The following VAV2 variants were observed in gnomAD, a reference collection of about 807,000 sequenced individuals.
The protein encoded by VAV2 is vav guanine nucleotide exchange factor 2, also known as guanine nucleotide exchange factor VAV2.
A neutral mutation model predicts 132.5 loss-of-function variants in VAV2; 67 were observed. The observed-to-expected ratio is 0.51, with a 90% confidence interval of 0.42 to 0.62. The LOEUF is 0.62. Among genes scored for constraint, VAV2 ranks in the 20% least tolerant of loss-of-function variants. The pLI is 0.00. For missense variants in VAV2, 938 were observed against 1,153.6 expected, an observed-to-expected ratio of 0.81 and a Z score of 2.71; for synonymous variants, 492 against 443.5, an observed-to-expected ratio of 1.11 and a Z score of -1.37.
intron 1 of VAV2, among the ~76,000 whole-genome samples, chr9:133,989,641 C>T (rs1187068615): frequency 1.3e-5 from 2 of 150,136 alleles, no homozygotes; most frequent in Non-Finnish European, 3.0e-5. Flanking sequence ...GCTGAGATTG[C>T]GCCACCGCAC....
chr9:133,951,067 G>C (rs974748404), intron 1 of VAV2, among the ~76,000 whole-genome samples: 3 of 152,152 alleles, frequency 2.0e-5, no homozygotes, highest in Non-Finnish European at 2.9e-5. Context: ...ATCCCTTCCT[G>C]CTGGGCTAAA....
At chr9:133,934,891 G>A (rs951562515) in intron 2 of VAV2, among the ~76,000 whole-genome samples, 4 of 152,156 alleles carry the variant, frequency 2.6e-5, no homozygotes, top group Non-Finnish European at 5.9e-5. Flanking sequence ...CTAATGCGCC[G>A]GCCAGTCGGT....
chr9:133,775,690 G>A (rs1038514251), intron 24 of VAV2, among the ~76,000 whole-genome samples: 1 of 151,614 alleles, frequency 6.6e-6, no homozygotes, highest in African/African-American at 2.4e-5. Flanking sequence ...GTCAGTAAGT[G>A]GATTACACCT....
At chr9:133,807,587 G>C (rs1469890995) in intron 7 of VAV2, among the ~76,000 whole-genome samples, 2 of 152,222 alleles carry the variant, frequency 1.3e-5, no homozygotes, top group South Asian at 2.1e-4. Flanking sequence ...ACACAGGGTG[G>C]ACTTGGGCAC....
intron 21 of VAV2, 126 bp from the exon 22 acceptor site, chr9:133,779,015 A>C: frequency 8.1e-7 from 1 of 1,238,330 alleles, no homozygotes; most frequent in East Asian, 2.4e-5. Context: ...TTGCGCCTGC[A>C]TCTCCCTTCC....
At chr9:133,890,370 A>G (rs1258375118) in intron 2 of VAV2, among the ~76,000 whole-genome samples, 12 of 152,220 alleles carry the variant, frequency 7.9e-5, no homozygotes, top group Non-Finnish European at 1.8e-4. Context: ...CTGTGAGTCC[A>G]GGAGTGAGCA....
chr9:133,818,759 G>A lies in VAV2; in HGVS notation c.450-6543C>T, dbSNP rs1451153881. Among the ~76,000 whole-genome samples the A allele has an allele frequency of 3.9e-5, 6 of 152,172 alleles. No individual in the cohort carries two copies. In the South Asian group the frequency reaches 8.3e-4, roughly 21 times the overall value. Reference sequence around the variant, plus strand: ...ATTGCAACATCTGGGTCATCTGAGGGTTGGCTTCTATTGACTCTTCTTTTC... The same window carrying A: ...ATTGCAACATCTGGGTCATCTGAGGATTGGCTTCTATTGACTCTTCTTTTC... On this transcript the variant is annotated intron_variant, in intron 4 of 29. Transcript: ENST00000371850.
At chr9:133,990,600 G>C (rs1842985282) in intron 1 of VAV2, among the ~76,000 whole-genome samples, 1 of 152,214 alleles carries the variant, frequency 6.6e-6, no homozygotes, top group African/African-American at 2.4e-5. Context: ...AAGTCAGCCT[G>C]GGCAGCCCCT....
intron 2 of VAV2, among the ~76,000 whole-genome samples, chr9:133,867,176 G>A (rs555784967): frequency 2.7e-5 from 4 of 149,860 alleles, no homozygotes; most frequent in South Asian, 2.1e-4. Context: ...CGGGGCAGGC[G>A]TCTGTCCACA....
chr9:133,949,021 T>G (rs1253569152), intron 1 of VAV2, among the ~76,000 whole-genome samples: 1 of 152,140 alleles, frequency 6.6e-6, no homozygotes, highest in African/African-American at 2.4e-5. Flanking sequence ...CAGAGCTAGC[T>G]GCACACAGGC....
chr9:133,928,304 GACA>G lies in VAV2; in HGVS notation c.321+10796_321+10798del, dbSNP rs1840553283. Among the ~76,000 whole-genome samples, 2 of 152,248 alleles carry G rather than the reference GACA, an allele frequency of 1.3e-5. No individual in the cohort carries two copies. Among genetic ancestry groups the G allele is most frequent in the South Asian group, 2.1e-4 (1 of 4,808 alleles). On this transcript the variant is annotated intron_variant, in intron 2 of 29. Transcript: ENST00000371850. This position sits in a 1 kb window ranked among gnomAD's most constrained non-coding sequence, Gnocchi z 5.4. ...GGGTGGGTGAATAACGTCCTGAAAT[GACA>G]ACAACTAGCAGATAAAAGAGGAAAT... is the stretch of plus-strand genomic sequence containing the variant.
rs1053291725 is a variant in VAV2 at position 133,991,096 on chromosome 9, G to T, written c.204+979C>A. ...ACTGGTGAATGGTCCCTCTCCACAT[G>T]GAGTTGCCACTGCGCGCGGTGAGGG... On this transcript the variant is annotated intron_variant, in intron 1 of 29. Transcript: ENST00000371850. The surrounding 1 kb of genome is among the most constrained non-coding windows in gnomAD (Gnocchi z 4.8). Among the ~76,000 whole-genome samples the T allele has an allele frequency of 6.6e-6, 1 of 152,142 alleles. No homozygotes were observed. The highest frequency in any genetic ancestry group is 1.5e-5 in the Non-Finnish European group (1 of 68,016).
At chr9:133,990,396 C>T (rs1399931806) in intron 1 of VAV2, among the ~76,000 whole-genome samples, 1 of 152,164 alleles carries the variant, frequency 6.6e-6, no homozygotes, top group East Asian at 1.9e-4. Context: ...AGGAGCTGAG[C>T]CAAGCCACCT....
intron 13 of VAV2, 80 bp from the exon 14 acceptor site, chr9:133,789,423 G>C: frequency 1.4e-6 from 2 of 1,401,660 alleles, no homozygotes; most frequent in Middle Eastern, 1.8e-4. Flanking sequence ...GCAGACTGTC[G>C]TGCACCCAAG....
chr9:133,787,230 G>A lies in VAV2; in HGVS notation c.1422+16C>T. The stretch of plus-strand genomic sequence containing the variant: ...TGATTGAGGCAGGTGGGAGGACCTG[G>A]GCGCTAGGTGCTTACCATTTTCCCG... On this transcript the variant is annotated intron_variant, in intron 16 of 29. Coordinates refer to ENST00000371850, the MANE Select transcript of VAV2 (RefSeq NM_001134398.2). 1.9e-6 allele frequency: 3 copies of A among 1,576,418 alleles called. No homozygotes were observed. The African/African-American group carries it at 4.1e-5, about 21-fold the overall frequency.
Position 133,991,276 on chromosome 9 carries a change from G to C in VAV2, c.204+799C>G, listed in dbSNP as rs1283501679. ...GAAGCCTCGATTCTCTCAAGTCTTA[G>C]CCAAGTTCCCTCTTAAGAGGCCAAG... On this transcript the variant is annotated intron_variant, in intron 1 of 29. Transcript: ENST00000371850. The surrounding 1 kb of genome is among the most constrained non-coding windows in gnomAD (Gnocchi z 4.8). Among the ~76,000 whole-genome samples, 1 of 152,164 alleles carries C rather than the reference G, an allele frequency of 6.6e-6. No homozygotes were observed. Among genetic ancestry groups the C allele is most frequent in the African/African-American group, 2.4e-5 (1 of 41,426 alleles).
At chr9:133,861,000 C>T (rs950321693) in intron 3 of VAV2, among the ~76,000 whole-genome samples, 10 of 152,240 alleles carry the variant, frequency 6.6e-5, no homozygotes, top group African/African-American at 1.2e-4. Context: ...CACCATGCTC[C>T]GGCGCCATCC....
rs190253480 is a variant in VAV2 at position 133,834,369 on chromosome 9, A to G, written c.381-29T>C. 1.1e-3 allele frequency: 1,768 copies of G among 1,606,090 alleles called. 21 individuals are homozygous for G. The African/African-American group carries it at 0.021, about 19-fold the overall frequency. On this transcript the variant is annotated intron_variant, in intron 3 of 29. Transcript: ENST00000371850. This position sits in a 1 kb window ranked among gnomAD's most constrained non-coding sequence, Gnocchi z 5.9. ...CGGAAGAGAAGGCGAGAGGGAGGTG[A>G]GCAGGTCCCGGCACTGCCGGCCAGT...
At chr9:133,978,497 G>A (rs1045176685) in intron 1 of VAV2, among the ~76,000 whole-genome samples, 1 of 152,378 alleles carries the variant, frequency 6.6e-6, no homozygotes, top group South Asian at 2.1e-4. Flanking sequence ...GAAAGATACC[G>A]CGTGTTCGCG....
Sources: gnomAD v4.1 joint callset for allele counts (sites outside exome capture counted in the v4.1 genomes callset) on GRCh38, gnomAD v4.1.1 for gene constraint, Gnocchi (gnomAD v3.1) non-coding constraint, MANE v1.5 for transcripts, NCBI Gene and HGNC (gene_info 2026-07-23, HGNC 2026-07-21) for gene names.